Variants in MED17 observed in about 807,000 individuals in gnomAD.
MED17 encodes mediator complex subunit 17.
In MED17, 49 loss-of-function variants were observed where a neutral mutation model predicts 80.8. The observed-to-expected ratio is 0.61, with a 90% confidence interval of 0.48 to 0.77. MED17 has a LOEUF of 0.77. Among genes scored for constraint, MED17 ranks in the 30% least tolerant of loss-of-function variants. MED17 has a pLI of 0.00. For synonymous variants in MED17, 281 were observed against 280.4 expected (o/e 1.00, Z -0.02); for missense variants, 718 against 787.0 (o/e 0.91, Z 1.05).
intron 2 of MED17, chr11:93,790,279 A>T (rs975677389): frequency 2.0e-6 from 1 of 499,664 alleles, no homozygotes; most frequent in South Asian, 1.6e-5. Context: ...CTGGCAATAT[A>T]TAAGGAGAGG....
Position 93,813,157 on chromosome 11 carries a change from T to G in MED17, c.*1093T>G, listed in dbSNP as rs1944101086. The G allele has an allele frequency of 6.6e-6, 1 of 152,238 alleles. No homozygotes were observed. The highest frequency in any genetic ancestry group is 2.1e-4 in the South Asian group (1 of 4,838). The allele number at this position is 152,238 out of a possible 1,614,324, so 9.4% of individuals were successfully genotyped here. On this transcript the variant is annotated 3_prime_UTR_variant, in exon 12 of 12. Coordinates refer to ENST00000251871, the MANE Select transcript of MED17 (RefSeq NM_004268.5). Reference sequence around the variant, plus strand: ...GAGGATAGATTTAGGCTCATAAGCCTTTTGGTAACACTGAAAGTAGTATCA... The same window carrying G: ...GAGGATAGATTTAGGCTCATAAGCCGTTTGGTAACACTGAAAGTAGTATCA...
chr11:93,788,932 G>A (rs967722692), intron 2 of MED17: 1 of 152,018 alleles, frequency 6.6e-6, no homozygotes, highest in Non-Finnish European at 1.5e-5. Context: ...TTAAGGGATG[G>A]ATTAGAAAAG....
Position 93,814,624 on chromosome 11 carries a change from A to C in MED17, c.*2560A>C, listed in dbSNP as rs144164783. The C allele has an allele frequency of 6.6e-6, 1 of 152,236 alleles. No individual in the cohort carries two copies. The highest frequency in any genetic ancestry group is 6.5e-5 in the Admixed American group (1 of 15,290). 9.4% of individuals were successfully genotyped at this position (152,236 alleles called of 1,614,324 possible). A position where few individuals can be genotyped will look rare whatever the true frequency, so the allele number is the denominator to read the frequency against. Reference sequence around the variant, plus strand: ...TTCAGTAACGTTGGTAATAAATGTTAAATTCTAAAGTACTACATAAATATA... The same window carrying C: ...TTCAGTAACGTTGGTAATAAATGTTCAATTCTAAAGTACTACATAAATATA... On this transcript the variant is annotated 3_prime_UTR_variant, in exon 12 of 12. Transcript: ENST00000251871.
chr11:93,807,611 G>C lies in MED17; in HGVS notation c.1560G>C (p.Glu520Asp), dbSNP rs1450923958. ...RVITLSYQEQ[E>D]LQDFLLSQMS... ...TTACACTGTCTTATCAGGAGCAGGA[G>C]CTACAGGATTTTCTTCTGTCTCAGG... Residue 520 changes from glutamate (E) to aspartate (D), a missense_variant, in exon 10 of 12, where the codon GAG (glutamate) becomes GAC (aspartate). By Grantham distance (45) the Glu-to-Asp change is conservative (BLOSUM62 2). Coordinates refer to ENST00000251871, the MANE Select transcript of MED17 (RefSeq NM_004268.5). 1 of 1,610,812 alleles carries C rather than the reference G, an allele frequency of 6.2e-7. No homozygotes were observed. Among genetic ancestry groups the C allele is most frequent in the Non-Finnish European group, 8.5e-7 (1 of 1,177,118 alleles).
At chr11:93,787,855 G>A (rs1454915239) in intron 1 of MED17, 146 bp from the exon 2 acceptor site, 4 of 723,144 alleles carry the variant, frequency 5.5e-6, no homozygotes, top group Non-Finnish European at 9.5e-6. Context: ...TTTAAGAAAC[G>A]GTAGAGGAGA....
At chr11:93,790,990 C>T (rs1943830205) in intron 3 of MED17, among the ~76,000 whole-genome samples, 197 bp downstream of exon 3, 1 of 152,208 alleles carries the variant, frequency 6.6e-6, no homozygotes, top group Non-Finnish European at 1.5e-5. Context: ...CACCTGTAAT[C>T]CTAGCTACTT....
At chr11:93,806,911 A>G (rs1944031186) in intron 9 of MED17, 1 of 152,366 alleles carries the variant, frequency 6.6e-6, no homozygotes, top group African/African-American at 2.4e-5. Context: ...GCCCACATAT[A>G]CCCAATTGGA....
intron 2 of MED17, 83 bp from the exon 3 acceptor site, chr11:93,790,491 T>G: frequency 7.8e-7 from 1 of 1,284,182 alleles, no homozygotes; most frequent in South Asian, 1.3e-5. Context: ...TTTTGTTCAC[T>G]TCATTTTATT....
chr11:93,809,583 A>T, intron 10 of MED17, 134 bp from the exon 11 acceptor site: 2 of 894,858 alleles, frequency 2.2e-6, no homozygotes, highest in South Asian at 1.3e-5. Flanking sequence ...GCACAGGAGG[A>T]TTCCTCAGAC....
intron 1 of MED17, 28 bp downstream of exon 1, chr11:93,784,791 C>T (rs766561758): frequency 6.1e-5 from 94 of 1,534,068 alleles, no homozygotes; most frequent in Non-Finnish European, 5.2e-6. Context: ...TGCCCGAGTC[C>T]CCCGGTCTGG....
In MED17 at chr11:93,795,070, GC is replaced by G. The variant is rs778692450; in HGVS notation, c.1012+13del. ...TCTCAGCCCTTTCCGAGTAAGAGCA[GC>G]CCTTTTTCGACTTTATGAACAGGAC... On this transcript the variant is annotated intron_variant, in intron 6 of 11. Coordinates refer to ENST00000251871, the MANE Select transcript of MED17 (RefSeq NM_004268.5). The G allele has an allele frequency of 6.2e-7, 1 of 1,614,052 alleles. No individual in the cohort carries two copies.
intron 10 of MED17, chr11:93,808,578 T>A (rs1277954744): frequency 6.8e-6 from 1 of 147,526 alleles, no homozygotes; most frequent in Non-Finnish European, 1.5e-5. Context: ...AAGATACTAT[T>A]TTTTTTTCAC....
chr11:93,807,448 GTTTATTA>G (rs1944038213), intron 9 of MED17, 63 bp from the exon 10 acceptor site: 2 of 895,564 alleles, frequency 2.2e-6, no homozygotes, highest in African/African-American at 1.7e-5. Flanking sequence ...TGATGTTAAC[GTTTATTA>G]TTTATGAAAT....
rs1160194582 is a variant in MED17, at chr11:93,814,104, T to G, written c.*2040T>G. ...CAAATCATGGACCAGGACCACACCT[T>G]GAGTAGAATGGCTGAGAATACATGT... is the stretch of plus-strand genomic sequence containing the variant. On this transcript the variant is annotated 3_prime_UTR_variant, in exon 12 of 12. Transcript: ENST00000251871. 2 of 152,290 alleles carry G rather than the reference T, an allele frequency of 1.3e-5. No homozygotes were observed. The highest frequency in any genetic ancestry group is 2.1e-4 in the South Asian group (1 of 4,830). The allele number at this position is 152,290 out of a possible 1,614,324, so 9.4% of individuals were successfully genotyped here.
intron 7 of MED17, chr11:93,797,306 A>G (rs1485707280): frequency 1.1e-5 from 6 of 526,248 alleles, no homozygotes; most frequent in Non-Finnish European, 2.0e-5. Context: ...CGCATTACCC[A>G]TCTGACATGA....
At position 93,807,940 on chromosome 11, in the gene MED17, C is replaced by T. The variant is rs573392725; in HGVS notation, c.1584+305C>T. On this transcript the variant is annotated intron_variant, in intron 10 of 11. Coordinates refer to ENST00000251871, the MANE Select transcript of MED17 (RefSeq NM_004268.5). ...AGGTTTACAAAATCTCTAGGGTTTA[C>T]AACATCTCCAGAGTTGTTGTAGAAA... is the stretch of plus-strand genomic sequence containing the variant. 46 of 388,740 alleles carry T rather than the reference C, an allele frequency of 1.2e-4. 1 individual carries two copies. The highest frequency in any genetic ancestry group is 8.7e-4 in the South Asian group (36 of 41,526). 24.1% of individuals were successfully genotyped at this position (388,740 alleles called of 1,614,324 possible). A position where few individuals can be genotyped will look rare whatever the true frequency, so the allele number is the denominator to read the frequency against.
intron 1 of MED17, among the ~76,000 whole-genome samples, chr11:93,787,257 C>A (rs1408495298): frequency 6.6e-6 from 1 of 151,840 alleles, no homozygotes; most frequent in Non-Finnish European, 1.5e-5. Context: ...ACTAAAAATA[C>A]AAAAAATTAG....
At chr11:93,784,923 T>C in intron 1 of MED17, 160 bp downstream of exon 1, 1 of 1,095,082 alleles carries the variant, frequency 9.1e-7, no homozygotes, top group East Asian at 2.6e-5. Flanking sequence ...TTTTTGTTGC[T>C]GCCGGACAAG....
At chr11:93,809,390 T>C (rs756197781) in intron 10 of MED17, 37 of 382,786 alleles carry the variant, frequency 9.7e-5, no homozygotes, top group Middle Eastern at 8.4e-4. Flanking sequence ...GAAAATAAGG[T>C]AGGCAGTGGA....
Sources: allele counts gnomAD v4.1 joint callset (sites outside exome capture counted in the v4.1 genomes callset), GRCh38; gene constraint gnomAD v4.1.1; transcripts MANE v1.5; gene names NCBI Gene and HGNC (gene_info 2026-07-23, HGNC 2026-07-21).